MATN2: variants seen among roughly 807,000 people sequenced by gnomAD.
MATN2 encodes matrilin-2.
MATN2 carries 69 observed loss-of-function variants against 103.2 expected under a neutral mutation model. The ratio of observed to expected loss-of-function variants is 0.67; its 90% CI spans 0.55 to 0.82. MATN2 has a LOEUF of 0.82. MATN2 is among the 40% of genes least tolerant of loss of function. The probability of loss-of-function intolerance (pLI) is 0.00; values close to 1 mark genes in which losing one functional copy is unlikely to be tolerated. For synonymous variants in MATN2, 429 were observed against 450.2 expected (o/e 0.95, Z 0.60); for missense variants, 1,023 against 1,211.5 (o/e 0.84, Z 2.31).
At chr8:97,878,916 A>G (rs1270608110) in intron 1 of MATN2, among the ~76,000 whole-genome samples, 1 of 152,196 alleles carries the variant, frequency 6.6e-6, no homozygotes, top group Non-Finnish European at 1.5e-5. Context: ...TCAGGCAAAC[A>G]TAGTACGTAG....
intron 2 of MATN2, among the ~76,000 whole-genome samples, chr8:97,890,265 G>A (rs1401433793): frequency 6.6e-6 from 1 of 152,104 alleles, no homozygotes; most frequent in Non-Finnish European, 1.5e-5. Flanking sequence ...AGGAGTTCGA[G>A]ACCAGCCTGA....
At chr8:97,897,190 G>A (rs537175071) in intron 2 of MATN2, among the ~76,000 whole-genome samples, 25 of 152,346 alleles carry the variant, frequency 1.6e-4, no homozygotes, top group Non-Finnish European at 2.8e-4. Flanking sequence ...AGCCTGATAA[G>A]TGGTATTCCT....
intron 4 of MATN2, among the ~76,000 whole-genome samples, chr8:97,943,741 C>T (rs903879095): frequency 3.9e-5 from 6 of 152,112 alleles, no homozygotes; most frequent in African/African-American, 1.4e-4. Flanking sequence ...AGGATTGAGC[C>T]GCTGTGCCTG....
intron 12 of MATN2, among the ~76,000 whole-genome samples, chr8:98,018,991 A>T (rs995003263): frequency 6.6e-6 from 1 of 151,004 alleles, no homozygotes. Flanking sequence ...AGAGAAACAG[A>T]CCTTCTCTAT....
chr8:98,021,967 G>C (rs1470516886), intron 13 of MATN2, among the ~76,000 whole-genome samples: 1 of 152,164 alleles, frequency 6.6e-6, no homozygotes, highest in Non-Finnish European at 1.5e-5. Flanking sequence ...TAACCTTTCA[G>C]AGGGCAATTT....
At position 98,007,087 on chromosome 8, in the gene MATN2, G is replaced by C; in HGVS notation, c.1328-18G>C. On this transcript the variant is annotated intron_variant, in intron 8 of 18. Coordinates refer to ENST00000254898, the MANE Select transcript of MATN2 (RefSeq NM_002380.5). The surrounding 1 kb of genome is among the most constrained non-coding windows in gnomAD (Gnocchi z 4.2). ...GCCCCCTCGGCTCCTCTATGCTTTCGCGTGTGTGAAAATGCAGGAGTGGAC... is the reference window on the plus strand; with the variant it reads ...GCCCCCTCGGCTCCTCTATGCTTTCCCGTGTGTGAAAATGCAGGAGTGGAC... The C allele has an allele frequency of 1.3e-6, 2 of 1,596,730 alleles. No individual in the cohort carries two copies. The highest frequency in any genetic ancestry group is 1.7e-6 in the Non-Finnish European group (2 of 1,171,068).
intron 1 of MATN2, among the ~76,000 whole-genome samples, chr8:97,875,702 T>TG: frequency 7.4e-6 from 1 of 134,748 alleles, no homozygotes; most frequent in African/African-American, 2.8e-5. Flanking sequence ...TTTTTTTTTT[T>TG]TTTTTTTTTT....
At chr8:97,957,035 G>T (rs1295899749) in intron 4 of MATN2, among the ~76,000 whole-genome samples, 1 of 152,214 alleles carries the variant, frequency 6.6e-6, no homozygotes, top group Non-Finnish European at 1.5e-5. Context: ...AGATAGCCGT[G>T]ATCAAGTCCT....
At chr8:97,988,134 C>G (rs1421690134) in intron 6 of MATN2, among the ~76,000 whole-genome samples, 2 of 99,820 alleles carry the variant, frequency 2.0e-5, no homozygotes, top group Non-Finnish European at 3.7e-5. Flanking sequence ...GCCTGGGCAA[C>G]ATAGAGCCCA....
intron 5 of MATN2, among the ~76,000 whole-genome samples, chr8:97,964,130 T>G (rs558790392): frequency 1.3e-5 from 2 of 152,098 alleles, no homozygotes; most frequent in African/African-American, 4.8e-5. Flanking sequence ...TAGGGCTAAG[T>G]CTGGCCTAGG....
intron 5 of MATN2, among the ~76,000 whole-genome samples, chr8:97,967,613 T>C (rs1378010609): frequency 1.3e-5 from 2 of 152,376 alleles, no homozygotes; most frequent in East Asian, 3.9e-4. Context: ...AACAATCTCC[T>C]TTGACTCCAT....
intron 18 of MATN2, 143 bp from the exon 19 acceptor site, chr8:98,035,514 G>A: frequency 1.9e-6 from 1 of 538,068 alleles, no homozygotes. Flanking sequence ...ACAAGTCAGG[G>A]TTTTAACATA....
chr8:97,998,629 GAGAGCTTCAGCAT>G (rs1163201048), intron 7 of MATN2, among the ~76,000 whole-genome samples: 1 of 148,888 alleles, frequency 6.7e-6, no homozygotes, highest in Non-Finnish European at 1.5e-5. Context: ...CTGCTGAAGC[GAGAGCTTCAGCAT>G]ATTTTTTTAT....
At chr8:98,016,938 G>C (rs1201123930) in intron 11 of MATN2, among the ~76,000 whole-genome samples, 1 of 152,104 alleles carries the variant, frequency 6.6e-6, no homozygotes, top group East Asian at 1.9e-4. Context: ...TTAATAATAG[G>C]GAAAACTAGG....
intron 1 of MATN2, among the ~76,000 whole-genome samples, chr8:97,882,113 G>A (rs1034283367): frequency 2.7e-5 from 4 of 150,740 alleles, no homozygotes; most frequent in Admixed American, 6.6e-5. Flanking sequence ...TAGTAGAGAC[G>A]GGGTTTCACA....
At chr8:97,962,971 C>T (rs753821277) in intron 5 of MATN2, among the ~76,000 whole-genome samples, 4 of 152,100 alleles carry the variant, frequency 2.6e-5, no homozygotes, top group Non-Finnish European at 4.4e-5. Context: ...CCGGTCTCTA[C>T]TAAAAATACA....
At chr8:98,032,169 C>A in intron 15 of MATN2, 77 bp from the exon 16 acceptor site, 1 of 1,202,482 alleles carries the variant, frequency 8.3e-7, no homozygotes, top group South Asian at 1.3e-5. Context: ...AGGAGGTGGT[C>A]TGGGACCAGC....
intron 12 of MATN2, among the ~76,000 whole-genome samples, chr8:98,019,577 A>C (rs1813505518): frequency 6.6e-6 from 1 of 152,228 alleles, no homozygotes; most frequent in African/African-American, 2.4e-5. Flanking sequence ...ACAACTGGGC[A>C]CTATAGCCTA....
At chr8:97,996,274 C>A (rs1471961450) in intron 7 of MATN2, among the ~76,000 whole-genome samples, 1 of 152,234 alleles carries the variant, frequency 6.6e-6, no homozygotes, top group Non-Finnish European at 1.5e-5. Flanking sequence ...TCCCTCCACA[C>A]CCTTCCTGGA....
Sources: gnomAD v4.1 joint callset for allele counts (sites outside exome capture counted in the v4.1 genomes callset) on GRCh38, gnomAD v4.1.1 for gene constraint, Gnocchi (gnomAD v3.1) non-coding constraint, MANE v1.5 for transcripts, NCBI Gene and HGNC (gene_info 2026-07-23, HGNC 2026-07-21) for gene names.